URB2: variants seen among roughly 807,000 people sequenced by gnomAD.
URB2 encodes the protein unhealthy ribosome biogenesis protein 2 homolog.
In URB2, 86 loss-of-function variants were observed where a neutral mutation model predicts 120.9. That is an observed-to-expected ratio of 0.71 (90% CI 0.60 to 0.85). URB2 has a LOEUF of 0.85. Ranked by LOEUF, URB2 falls within the 40% of genes least tolerant of loss-of-function variation. The pLI is 0.00. For missense variants in URB2, 1,765 were observed against 1,836.5 expected (o/e 0.96, Z 0.71); for synonymous variants, 755 against 758.4 (o/e 1.00, Z 0.07).
At chr1:229,629,700 G>T (rs1202663591) in intron 2 of URB2, among the ~76,000 whole-genome samples, 1 of 152,200 alleles carries the variant, frequency 6.6e-6, no homozygotes, top group Non-Finnish European at 1.5e-5. Flanking sequence ...CTGAAGGTTA[G>T]GGTGACTGGC....
Position 229,635,279 on chromosome 1 carries a change from G to C in URB2, c.666G>C (p.Gln222His). 6.2e-7 allele frequency: 1 copy of C among 1,614,232 alleles called. No homozygotes were observed. The highest frequency in any genetic ancestry group is 8.5e-7 in the Non-Finnish European group (1 of 1,180,054). Residue 222 changes from glutamine (Q) to histidine (H), a missense_variant, in exon 4 of 10, where the codon CAG (glutamine) becomes CAC (histidine). By Grantham distance (24) the Gln-to-His change is conservative. Coordinates refer to ENST00000258243, the MANE Select transcript of URB2 (RefSeq NM_014777.4). ...LSGGTWTQAG[Q>H]GQLRQVLSRD... ...GGGGCACATGGACGCAGGCTGGCCAGGGCCAGCTGAGGCAGGTGCTGAGCC... is the reference window on the plus strand; with the variant it reads ...GGGGCACATGGACGCAGGCTGGCCACGGCCAGCTGAGGCAGGTGCTGAGCC...
chr1:229,628,269 A>ATATTATACATATATATATTATAT (rs71173753), intron 2 of URB2, among the ~76,000 whole-genome samples: 1 of 147,676 alleles, frequency 6.8e-6, no homozygotes, highest in African/African-American at 2.5e-5. Context: ...ATATGTATAT[A>ATATTATACATATATATATTATAT]AATTAGTCAG....
At chr1:229,640,281 T>C (rs1665971910) in intron 4 of URB2, among the ~76,000 whole-genome samples, 1 of 152,240 alleles carries the variant, frequency 6.6e-6, no homozygotes, top group African/African-American at 2.4e-5. Context: ...GAGGCCCATT[T>C]AGAGTTTGTT....
At position 229,636,506 on chromosome 1, in the gene URB2, T is replaced by TAA. The variant is rs770203569; in HGVS notation, c.1893_1894insAA (p.Gly632LysfsTer5). 3 of 1,614,084 alleles carry TAA rather than the reference T, an allele frequency of 1.9e-6. No homozygotes were observed. Among genetic ancestry groups the TAA allele is most frequent in the Non-Finnish European group, 2.5e-6 (3 of 1,180,028 alleles). On this transcript the variant is annotated frameshift_variant, in exon 4 of 10. Transcript: ENST00000258243. LOFTEE classifies it high-confidence loss of function. ...ACTGTAGCCAGTATCACTCTATGTC[T>TAA]GGGCCCCTTATAGGTGTTGCTCTGG... is the stretch of plus-strand genomic sequence containing the variant.
chr1:229,628,402 G>C (rs1665585989), intron 2 of URB2, among the ~76,000 whole-genome samples: 1 of 151,652 alleles, frequency 6.6e-6, no homozygotes, highest in Non-Finnish European at 1.5e-5. Context: ...CAGCCTGGGC[G>C]ATAGAGCAAG....
chr1:229,658,283 A>T (rs1449466759), intron 9 of URB2, among the ~76,000 whole-genome samples: 11 of 152,062 alleles, frequency 7.2e-5, no homozygotes, highest in Admixed American at 7.2e-4. Context: ...GGTTGGTTTG[A>T]TATTAGTCTG....
chr1:229,629,112 G>T (rs1466676902), intron 2 of URB2, among the ~76,000 whole-genome samples: 1 of 152,222 alleles, frequency 6.6e-6, no homozygotes, highest in Non-Finnish European at 1.5e-5. Flanking sequence ...TTCTGGGATT[G>T]TGAGCTTTCT....
intron 3 of URB2, among the ~76,000 whole-genome samples, chr1:229,633,489 C>T (rs1032929185): frequency 9.9e-5 from 15 of 152,108 alleles, no homozygotes; most frequent in Admixed American, 2.6e-4. Flanking sequence ...CAGGAAAAAT[C>T]GATGAGTTGT....
rs1481076442 is a variant in URB2, at chr1:229,660,139, A to C, written c.*842A>C. On this transcript the variant is annotated 3_prime_UTR_variant, in exon 10 of 10. Transcript: ENST00000258243. ...GTCCCTTTACTATGTGTATGTATAT[A>C]GATGTGCATATAAATATATATAGTA... The C allele has an allele frequency of 6.6e-6, 1 of 152,232 alleles. No homozygotes were observed. Among genetic ancestry groups the C allele is most frequent in the African/African-American group, 2.4e-5 (1 of 41,452 alleles). 9.4% of individuals were successfully genotyped at this position (152,232 alleles called of 1,614,324 possible).
At chr1:229,626,932 A>G (rs1036515878) in intron 1 of URB2, among the ~76,000 whole-genome samples, 1 of 152,244 alleles carries the variant, frequency 6.6e-6, no homozygotes, top group Admixed American at 6.5e-5. Context: ...AAAACGTCTT[A>G]ACGTTCCTTT....
At chr1:229,628,918 T>C (rs1365615876) in intron 2 of URB2, among the ~76,000 whole-genome samples, 1 of 152,196 alleles carries the variant, frequency 6.6e-6, no homozygotes, top group Non-Finnish European at 1.5e-5. Flanking sequence ...TCATATCCAG[T>C]GCTTTCTACA....
rs988295359 is a variant in URB2, at chr1:229,636,412, A to T, written c.1799A>T (p.Gln600Leu). The change falls in exon 4 of 10, where the codon CAG becomes CTG. Residue 600 changes from glutamine (Q) to leucine (L), a missense_variant. Coordinates refer to ENST00000258243, the MANE Select transcript of URB2 (RefSeq NM_014777.4). The stretch of plus-strand genomic sequence containing the variant: ...GGCCCAGAGCCAGAGCTGTGGCTGC[A>T]GAAGGTCAGTGACTCTGTGCTCCTG... ...TPGPEPELWL[Q>L]KVSDSVLLLS... 6 of 1,614,118 alleles carry T rather than the reference A, an allele frequency of 3.7e-6. No individual in the cohort carries two copies. In the African/African-American group the frequency reaches 8.0e-5, roughly 22 times the overall value.
intron 2 of URB2, among the ~76,000 whole-genome samples, chr1:229,631,838 A>G (rs1246208654): frequency 1.3e-5 from 2 of 152,254 alleles, no homozygotes; most frequent in African/African-American, 4.8e-5. Context: ...GAGAATTACC[A>G]AAATGTGGCA....
intron 3 of URB2, 149 bp downstream of exon 3, chr1:229,632,594 G>GT: frequency 6.3e-6 from 4 of 630,440 alleles, no homozygotes; most frequent in Non-Finnish European, 9.6e-6. Flanking sequence ...AATTAAAATA[G>GT]TAACTATTGA....
intron 1 of URB2, among the ~76,000 whole-genome samples, 175 bp from the exon 2 acceptor site, chr1:229,627,446 A>G (rs1185140475): frequency 6.6e-6 from 1 of 152,200 alleles, no homozygotes; most frequent in African/African-American, 2.4e-5. Context: ...AAAATTCTGG[A>G]GTCAAGCATC....
At chr1:229,657,517 G>GTATTAC (rs1395106583) in intron 9 of URB2, among the ~76,000 whole-genome samples, 1 of 152,152 alleles carries the variant, frequency 6.6e-6, no homozygotes, top group Non-Finnish European at 1.5e-5. Flanking sequence ...TATTTATTTA[G>GTATTAC]TAAGTGATAA....
At chr1:229,650,080 T>C (rs1206959231) in intron 7 of URB2, among the ~76,000 whole-genome samples, 1 of 152,218 alleles carries the variant, frequency 6.6e-6, no homozygotes, top group Non-Finnish European at 1.5e-5. Flanking sequence ...TGTGGTATTA[T>C]GCTATCAAAA....
intron 8 of URB2, 47 bp downstream of exon 8, chr1:229,651,369 A>T: frequency 6.5e-7 from 1 of 1,543,634 alleles, no homozygotes; most frequent in Non-Finnish European, 8.8e-7. Flanking sequence ...ATTCATCATG[A>T]GGTGTGGCTG....
intron 7 of URB2, among the ~76,000 whole-genome samples, chr1:229,648,793 C>T (rs1398877680): frequency 2.6e-5 from 4 of 152,188 alleles, no homozygotes; most frequent in East Asian, 1.9e-4. Flanking sequence ...ATAGATACGA[C>T]GGTTAATGCA....
Sources: gnomAD v4.1 joint callset for allele counts (sites outside exome capture counted in the v4.1 genomes callset) on GRCh38, gnomAD v4.1.1 for gene constraint, MANE v1.5 for transcripts, NCBI Gene and HGNC (gene_info 2026-07-23, HGNC 2026-07-21) for gene names.